Variants in CDH4 observed in about 807,000 individuals in gnomAD.
CDH4 encodes the protein cadherin-4.
A neutral mutation model predicts 86.0 loss-of-function variants in CDH4; 33 were observed. The observed-to-expected ratio is 0.38, with a 90% CI of 0.29 to 0.51. CDH4 has a LOEUF of 0.51. CDH4 is among the 20% of genes least tolerant of loss of function. The pLI, the probability that CDH4 is intolerant of heterozygous loss-of-function variation, is 0.86. For synonymous variants in CDH4, 555 were observed against 549.4 expected, an observed-to-expected ratio of 1.01 and a Z score of -0.14; for missense variants, 1,114 against 1,307.4, an observed-to-expected ratio of 0.85 and a Z score of 2.28.
intron 3 of CDH4, among the ~76,000 whole-genome samples, chr20:61,756,354 A>G (rs928672377): frequency 6.6e-6 from 1 of 152,140 alleles, no homozygotes; most frequent in Non-Finnish European, 1.5e-5. Flanking sequence ...GGTGGGGCCC[A>G]CAGGCAGCTG....
At chr20:61,716,126 C>T (rs2087949643) in intron 2 of CDH4, among the ~76,000 whole-genome samples, 1 of 152,078 alleles carries the variant, frequency 6.6e-6, no homozygotes, top group South Asian at 2.1e-4. Context: ...ACCTGTGAGC[C>T]ACCCCTTGGC....
intron 2 of CDH4, among the ~76,000 whole-genome samples, chr20:61,387,856 C>T (rs577891499): frequency 4.5e-4 from 68 of 152,284 alleles, no homozygotes; most frequent in African/African-American, 1.6e-3. Context: ...CCGGCCCCAC[C>T]CCCCTCTGGC....
chr20:61,320,425 G>A (rs1355311847), intron 2 of CDH4, among the ~76,000 whole-genome samples: 1 of 152,132 alleles, frequency 6.6e-6, no homozygotes, highest in Non-Finnish European at 1.5e-5. Context: ...GCAGGTGTGG[G>A]TGAGACTGGA....
chr20:61,863,555 T>C (rs1983420156), intron 6 of CDH4, among the ~76,000 whole-genome samples: 1 of 152,274 alleles, frequency 6.6e-6, no homozygotes, highest in Non-Finnish European at 1.5e-5. Context: ...TTTCAGGATT[T>C]ACAGCCTCTG....
chr20:61,317,533 T>C (rs2084483232), intron 2 of CDH4, among the ~76,000 whole-genome samples: 2 of 152,112 alleles, frequency 1.3e-5, no homozygotes, highest in South Asian at 4.1e-4. Flanking sequence ...AAGCCTGCAT[T>C]CACCATTGCT....
At chr20:61,816,098 C>G (rs1980702735) in intron 4 of CDH4, among the ~76,000 whole-genome samples, 1 of 152,182 alleles carries the variant, frequency 6.6e-6, no homozygotes, top group Non-Finnish European at 1.5e-5. Flanking sequence ...CGCAGAAGGG[C>G]AGCTGGGGGG....
intron 2 of CDH4, among the ~76,000 whole-genome samples, chr20:61,597,453 G>GCACATTC (rs1173799700): frequency 2.0e-5 from 3 of 152,222 alleles, no homozygotes; most frequent in Non-Finnish European, 4.4e-5. Flanking sequence ...CAGCCTGGCT[G>GCACATTC]CACCTTCCAC....
chr20:61,382,433 C>T (rs1436991978), intron 2 of CDH4, among the ~76,000 whole-genome samples: 1 of 152,190 alleles, frequency 6.6e-6, no homozygotes, highest in African/African-American at 2.4e-5. Flanking sequence ...ATGGGGGACC[C>T]CTGGGAGTGG....
In CDH4 at chr20:61,392,075, G is replaced by T. The variant is rs988026834; in HGVS notation, c.169+137138G>T. ...CTCGCTTGCCGTGGGTTTCAGCATC[G>T]CGGGGGCTGTGGAGAAAGGCCTAGA... On this transcript the variant is annotated intron_variant, in intron 2 of 15. Coordinates refer to ENST00000614565, the MANE Select transcript of CDH4 (RefSeq NM_001794.5). The surrounding 1 kb of genome is among the most constrained non-coding windows in gnomAD (Gnocchi z 5.7). 9.2e-5 allele frequency among the ~76,000 whole-genome samples: 14 copies of T among 151,934 alleles called. No homozygotes were observed. Among genetic ancestry groups the T allele is most frequent in the African/African-American group, 1.2e-4 (5 of 41,338 alleles).
At chr20:61,936,350 A>C (rs1271598479) in intron 15 of CDH4, among the ~76,000 whole-genome samples, 6 of 3,272 alleles carry the variant, frequency 1.8e-3, no homozygotes, top group Admixed American at 3.7e-3. Flanking sequence ...CTTCCCCCAC[A>C]CCCCTTCCCC....
chr20:61,278,454 G>T (rs1420225747), intron 2 of CDH4, among the ~76,000 whole-genome samples: 1 of 152,240 alleles, frequency 6.6e-6, no homozygotes, highest in African/African-American at 2.4e-5. Flanking sequence ...TGATGTGTTT[G>T]CAGACTGAGG....
chr20:61,565,715 C>T (rs1055699133), intron 2 of CDH4, among the ~76,000 whole-genome samples: 3 of 152,164 alleles, frequency 2.0e-5, no homozygotes, highest in African/African-American at 4.8e-5. Flanking sequence ...AAGGCAGTGC[C>T]AAGATACACA....
chr20:61,317,254 C>T (rs1441710624), intron 2 of CDH4, among the ~76,000 whole-genome samples: 2 of 152,002 alleles, frequency 1.3e-5, no homozygotes, highest in African/African-American at 2.4e-5. Flanking sequence ...GGCGAGCGCC[C>T]GCAGTCCTGG....
intron 2 of CDH4, among the ~76,000 whole-genome samples, chr20:61,293,112 G>A (rs2084332724): frequency 6.6e-6 from 1 of 152,206 alleles, no homozygotes; most frequent in African/African-American, 2.4e-5. Flanking sequence ...CAGGATGGTG[G>A]GGACCTAGGA....
chr20:61,469,248 C>G (rs1369139178), intron 2 of CDH4, among the ~76,000 whole-genome samples: 1 of 152,164 alleles, frequency 6.6e-6, no homozygotes, highest in Non-Finnish European at 1.5e-5. Flanking sequence ...GGATAAAATC[C>G]ATTTTAACTG....
At chr20:61,896,573 G>T (rs1460418857) in intron 8 of CDH4, among the ~76,000 whole-genome samples, 1 of 152,238 alleles carries the variant, frequency 6.6e-6, no homozygotes, top group African/African-American at 2.4e-5. Flanking sequence ...AGCGGCCAGG[G>T]CAACCAGGAG....
chr20:61,418,503 G>A (rs749726592), intron 2 of CDH4, among the ~76,000 whole-genome samples: 14 of 152,124 alleles, frequency 9.2e-5, no homozygotes, highest in Non-Finnish European at 1.3e-4. Context: ...GAGCCACCGC[G>A]CCTGGCCAAA....
intron 2 of CDH4, among the ~76,000 whole-genome samples, chr20:61,624,607 G>A (rs930232068): frequency 1.1e-4 from 16 of 152,230 alleles, no homozygotes; most frequent in African/African-American, 2.4e-4. Flanking sequence ...CTCTGGAATC[G>A]AGATCCTCAG....
rs1276619293 is a variant in CDH4 at position 61,811,891 on chromosome 20, C to T, written c.577-32777C>T. Reference sequence around the variant, plus strand: ...TTCACCATGTTGGCCAGGCTGGTCTCGAACTCCTGACCGCAGGTGATCCAC... The same window carrying T: ...TTCACCATGTTGGCCAGGCTGGTCTTGAACTCCTGACCGCAGGTGATCCAC... On this transcript the variant is annotated intron_variant, in intron 4 of 15. Coordinates refer to ENST00000614565, the MANE Select transcript of CDH4 (RefSeq NM_001794.5). This position sits in a 1 kb window ranked among gnomAD's most constrained non-coding sequence, Gnocchi z 4.4. Among the ~76,000 whole-genome samples, 2 of 151,948 alleles carry T rather than the reference C, an allele frequency of 1.3e-5. No individual in the cohort carries two copies. The highest frequency in any genetic ancestry group is 2.4e-5 in the African/African-American group (1 of 41,338).
Sources: allele counts gnomAD v4.1 joint callset (sites outside exome capture counted in the v4.1 genomes callset), GRCh38; gene constraint gnomAD v4.1.1; non-coding constraint Gnocchi (gnomAD v3.1); transcripts MANE v1.5; gene names NCBI Gene and HGNC (gene_info 2026-07-23, HGNC 2026-07-21).